GLIS1: variants seen among roughly 807,000 people sequenced by gnomAD.
GLIS1 encodes the protein zinc finger protein GLIS1.
A neutral mutation model predicts 63.8 loss-of-function variants in GLIS1; 24 were observed. The observed-to-expected ratio is 0.38, with a 90% CI of 0.27 to 0.53. GLIS1 has a LOEUF of 0.53. Among genes scored for constraint, GLIS1 ranks in the 20% least tolerant of loss-of-function variants. GLIS1 has a pLI of 0.85. For synonymous variants in GLIS1, 450 were observed against 482.5 expected (o/e 0.93, Z 0.88); for missense variants, 1,036 against 1,074.1 (o/e 0.96, Z 0.50).
intron 4 of GLIS1, among the ~76,000 whole-genome samples, chr1:53,534,709 C>G (rs1309774116): frequency 6.7e-6 from 1 of 150,234 alleles, no homozygotes; most frequent in Non-Finnish European, 1.5e-5. Context: ...TCCTTCCACT[C>G]ACGCACTTCT....
chr1:53,705,469 G>A (rs561548156), intron 2 of GLIS1, among the ~76,000 whole-genome samples: 3 of 152,306 alleles, frequency 2.0e-5, no homozygotes, highest in East Asian at 3.9e-4. Flanking sequence ...GAGTTGGAGC[G>A]GGGAGGAATC....
At position 53,510,017 on chromosome 1, in the gene GLIS1, C is replaced by T. The variant is rs776843739; in HGVS notation, c.1894G>A (p.Gly632Ser). 3.2e-6 allele frequency: 4 copies of T among 1,269,546 alleles called. No individual in the cohort carries two copies. Among genetic ancestry groups the T allele is most frequent in the African/African-American group, 1.5e-5 (1 of 65,580 alleles). 78.6% of individuals were successfully genotyped at this position (1,269,546 alleles called of 1,614,324 possible). Residue 632 changes from glycine to serine, a missense_variant, in exon 9 of 11, where the codon GGC (glycine) becomes AGC (serine). Around this residue, in one of 3 missense-constraint regions of GLIS1, gnomAD observed 400 missense variants for 400.9 expected, o/e 1.00. Transcript: ENST00000628545. Reference sequence around the variant, plus strand: ...GGGCTGACTATTGGTGAGAGGAGGCCGGGCCCCAACCTGGAGAGAACAGAG... The same window carrying T: ...GGGCTGACTATTGGTGAGAGGAGGCTGGGCCCCAACCTGGAGAGAACAGAG... ...AESTRDGLGP[G>S]LLSPIVSPLK...
At position 53,639,648 on chromosome 1, in the gene GLIS1, CT is replaced by C. The variant is rs541648410; in HGVS notation, c.260-39371del. Among the ~76,000 whole-genome samples the C allele has an allele frequency of 2.5e-3, 380 of 151,114 alleles. 2 individuals carry two copies. Among genetic ancestry groups the C allele is most frequent in the African/African-American group, 8.7e-3 (357 of 41,160 alleles). On this transcript the variant is annotated intron_variant, in intron 2 of 10. Coordinates refer to ENST00000628545, the MANE Select transcript of GLIS1 (RefSeq NM_001367484.1). The surrounding 1 kb of genome is among the most constrained non-coding windows in gnomAD (Gnocchi z 4.6). ...GTCTTACCTCGGAGACAGGGTGGGGCTTTTTTTTTCCAGCCCGCTATCCTGG... is the reference window on the plus strand; with the variant it reads ...GTCTTACCTCGGAGACAGGGTGGGGCTTTTTTTTCCAGCCCGCTATCCTGG...
chr1:53,729,101 G>GCTGT (rs1461853412), intron 2 of GLIS1, among the ~76,000 whole-genome samples: 1 of 152,246 alleles, frequency 6.6e-6, no homozygotes, highest in Non-Finnish European at 1.5e-5. Flanking sequence ...AAGTATAGAT[G>GCTGT]CTGTCACGTG....
chr1:53,661,383 G>A (rs984161049), intron 2 of GLIS1, among the ~76,000 whole-genome samples: 2 of 152,092 alleles, frequency 1.3e-5, no homozygotes, highest in Admixed American at 6.5e-5. Flanking sequence ...CCCATCACAC[G>A]GCTTATTTGC....
chr1:53,695,481 C>G (rs1646455451), intron 2 of GLIS1, among the ~76,000 whole-genome samples: 1 of 152,220 alleles, frequency 6.6e-6, no homozygotes, highest in African/African-American at 2.4e-5. Flanking sequence ...CTCAGCCAGC[C>G]AGCTGGGAGC....
chr1:53,680,856 C>T (rs1262333955), intron 2 of GLIS1, among the ~76,000 whole-genome samples: 3 of 152,218 alleles, frequency 2.0e-5, no homozygotes, highest in Admixed American at 6.5e-5. Flanking sequence ...CAGGGTGAGA[C>T]GTATCTGAAG....
intron 4 of GLIS1, among the ~76,000 whole-genome samples, chr1:53,538,188 G>A (rs780273330): frequency 6.6e-6 from 1 of 152,194 alleles, no homozygotes; most frequent in African/African-American, 2.4e-5. Context: ...AGAATGGAAC[G>A]GACAGACGGG....
intron 4 of GLIS1, among the ~76,000 whole-genome samples, chr1:53,573,370 AC>A (rs1295747858): frequency 6.6e-6 from 1 of 150,480 alleles, no homozygotes; most frequent in Non-Finnish European, 1.5e-5. Flanking sequence ...GAGACCCTCC[AC>A]CCCCTCCAAT....
intron 3 of GLIS1, among the ~76,000 whole-genome samples, chr1:53,595,675 G>A (rs1645248598): frequency 6.6e-6 from 1 of 152,180 alleles, no homozygotes; most frequent in South Asian, 2.1e-4. Context: ...GAACACCCAG[G>A]TCCAGGGTAT....
Position 53,675,233 on chromosome 1 carries a change from C to T in GLIS1, c.259+62573G>A, listed in dbSNP as rs1032128907. The stretch of plus-strand genomic sequence containing the variant: ...TGTTAAATTAATATTCATTCACTTA[C>T]TCTCCAAGGGTCTTCTGTGTGCAGG... On this transcript the variant is annotated intron_variant, in intron 2 of 10. Coordinates refer to ENST00000628545, the MANE Select transcript of GLIS1 (RefSeq NM_001367484.1). 2.3e-4 allele frequency among the ~76,000 whole-genome samples: 35 copies of T among 152,236 alleles called. 1 individual carries two copies. Among genetic ancestry groups the T allele is most frequent in the Non-Finnish European group, 2.9e-5 (2 of 68,046 alleles).
Position 53,594,118 on chromosome 1 carries a change from T to C in GLIS1, c.1310A>G (p.Asn437Ser), listed in dbSNP as rs374386897. ...CCGGTGGGAACTCACCATGCACTTG[T>C]TGGGCTTCTCGCCCGAGTGCACTCG... ...HMRVHSGEKPNKCMFEGCSKA... is the reference protein window; with the variant it reads ...HMRVHSGEKPSKCMFEGCSKA... The change falls in exon 4 of 11, where the codon AAC becomes AGC. Residue 437 changes from asparagine (N) to serine (S), a missense_variant. Around this residue, in one of 3 missense-constraint regions of GLIS1, gnomAD observed 592 missense variants for 593.9 expected, o/e 1.00. Coordinates refer to ENST00000628545, the MANE Select transcript of GLIS1 (RefSeq NM_001367484.1). 2.5e-6 allele frequency: 4 copies of C among 1,609,250 alleles called. No individual in the cohort carries two copies. Among genetic ancestry groups the C allele is most frequent in the Non-Finnish European group, 1.7e-6 (2 of 1,176,604 alleles).
At position 53,560,881 on chromosome 1, in the gene GLIS1, C is replaced by T. The variant is rs998038450; in HGVS notation, c.1321-30929G>A. Among the ~76,000 whole-genome samples, 1 of 152,188 alleles carries T rather than the reference C, an allele frequency of 6.6e-6. No individual in the cohort carries two copies. The highest frequency in any genetic ancestry group is 1.5e-5 in the Non-Finnish European group (1 of 68,028). ...CTTTTTCCTGCCCCATCCTGCCCTG[C>T]CACTGGTATCCCACCCCGCCCTGCC... On this transcript the variant is annotated intron_variant, in intron 4 of 10. Transcript: ENST00000628545. The surrounding 1 kb of genome is among the most constrained non-coding windows in gnomAD (Gnocchi z 4.4).
intron 4 of GLIS1, among the ~76,000 whole-genome samples, chr1:53,582,552 G>A (rs1645096074): frequency 6.6e-6 from 1 of 152,170 alleles, no homozygotes; most frequent in South Asian, 2.1e-4. Flanking sequence ...GGTTGGGAGG[G>A]GCATCAGAGG....
chr1:53,507,161 C>T (rs543207303), intron 10 of GLIS1, among the ~76,000 whole-genome samples: 28 of 152,312 alleles, frequency 1.8e-4, no homozygotes, highest in Non-Finnish European at 2.6e-4. Context: ...AGCTCACCCC[C>T]ACCCTTTCAG....
At chr1:53,595,591 G>A (rs1645247358) in intron 3 of GLIS1, among the ~76,000 whole-genome samples, 1 of 152,250 alleles carries the variant, frequency 6.6e-6, no homozygotes, top group Admixed American at 6.5e-5. Flanking sequence ...CTGCTTCCCA[G>A]GGGGCTGCCC....
At chr1:53,703,755 G>A (rs1646548644) in intron 2 of GLIS1, among the ~76,000 whole-genome samples, 2 of 151,596 alleles carry the variant, frequency 1.3e-5, no homozygotes, top group Non-Finnish European at 2.9e-5. Context: ...AGCAGCCCTC[G>A]ACACAAACCT....
At chr1:53,508,948 A>C (rs1282264713) in intron 10 of GLIS1, among the ~76,000 whole-genome samples, 172 bp downstream of exon 10, 1 of 152,246 alleles carries the variant, frequency 6.6e-6, no homozygotes, top group African/African-American at 2.4e-5. Context: ...AGGTACAGAC[A>C]GTTCTGCGGG....
chr1:53,573,779 A>G (rs938752080), intron 4 of GLIS1, among the ~76,000 whole-genome samples: 18 of 152,178 alleles, frequency 1.2e-4, no homozygotes, highest in African/African-American at 4.3e-4. Context: ...TTCTTGAGGG[A>G]GGCAGCCTCA....
Sources: gnomAD v4.1 joint callset for allele counts (sites outside exome capture counted in the v4.1 genomes callset) on GRCh38, gnomAD v4.1.1 for gene constraint, gnomAD v4.1.1 regional missense constraint, Gnocchi (gnomAD v3.1) non-coding constraint, MANE v1.5 for transcripts, NCBI Gene and HGNC (gene_info 2026-07-23, HGNC 2026-07-21) for gene names.